The following PNKD variants were observed in gnomAD, a reference collection of about 807,000 sequenced individuals.
PNKD encodes PNKD metallo-beta-lactamase domain containing.
PNKD carries 36 observed loss-of-function variants against 45.3 expected under a neutral mutation model. The ratio of observed to expected loss-of-function variants is 0.80; its 90% CI spans 0.61 to 1.05. The LOEUF (loss-of-function observed/expected upper bound fraction) is 1.05. PNKD is among the 50% of genes least tolerant of loss of function. The pLI, the probability that PNKD is intolerant of heterozygous loss-of-function variation, is 0.00. For missense variants in PNKD, 511 were observed against 506.6 expected (o/e 1.01, Z -0.08); for synonymous variants, 197 against 210.1 (o/e 0.94, Z 0.54).
At chr2:218,272,954 C>A in intron 2 of PNKD, 2 of 1,447,638 alleles carry the variant, frequency 1.4e-6, no homozygotes, top group Non-Finnish European at 1.8e-6. Context: ...GGAACCAGGT[C>A]TGGGTTTGTG....
intron 2 of PNKD, among the ~76,000 whole-genome samples, chr2:218,320,059 GAGGTTGAAGAGAC>G (rs1177821428): frequency 2.6e-5 from 4 of 152,242 alleles, no homozygotes; most frequent in African/African-American, 9.6e-5. Context: ...GGCATCTGAG[GAGGTTGAAGAGAC>G]AGGCTGGGCC....
At chr2:218,312,731 G>C (rs1425136199) in intron 2 of PNKD, among the ~76,000 whole-genome samples, 1 of 151,904 alleles carries the variant, frequency 6.6e-6, no homozygotes, top group Non-Finnish European at 1.5e-5. Context: ...AAATTAGTTG[G>C]GTGTGGGGGT....
intron 2 of PNKD, among the ~76,000 whole-genome samples, chr2:218,329,735 G>A (rs911040576): frequency 3.3e-5 from 5 of 152,234 alleles, no homozygotes; most frequent in Admixed American, 6.5e-5. Context: ...TGGCAACTTC[G>A]GGGAAACCCT....
chr2:218,279,192 T>C (rs1159074763), intron 2 of PNKD: 3 of 1,577,192 alleles, frequency 1.9e-6, no homozygotes, highest in Admixed American at 3.4e-5. Context: ...TTGCCCATGG[T>C]CACCCTGAGA....
At chr2:218,321,985 C>T (rs1365806518) in intron 2 of PNKD, among the ~76,000 whole-genome samples, 1 of 144,872 alleles carries the variant, frequency 6.9e-6, no homozygotes, top group Non-Finnish European at 1.5e-5. Flanking sequence ...TGCAATGGCA[C>T]GATCTCGACT....
chr2:218,316,514 G>A (rs959456762), intron 2 of PNKD, among the ~76,000 whole-genome samples: 46 of 152,044 alleles, frequency 3.0e-4, no homozygotes, highest in Admixed American at 1.8e-3. Flanking sequence ...CAGGCAATCC[G>A]CCTGCCTTGG....
chr2:218,280,805 C>CTTT lies in PNKD; in HGVS notation c.236+9277_236+9279dup, dbSNP rs950294415. On this transcript the variant is annotated intron_variant, in intron 2 of 9. Transcript: ENST00000273077. ...CTGCACTCTAACTTCACCTCATTTCCTTTTTTTTTTTTTTTTTTTTTTTGA... is the reference window on the plus strand; with the variant it reads ...CTGCACTCTAACTTCACCTCATTTCCTTTTTTTTTTTTTTTTTTTTTTTTTTGA... 3.7e-3 allele frequency: 388 copies of CTTT among 104,044 alleles called. 4 individuals carry two copies. The highest frequency in any genetic ancestry group is 0.011 in the African/African-American group (241 of 22,268). 6.4% of individuals were successfully genotyped at this position (104,044 alleles called of 1,614,324 possible). A position where few individuals can be genotyped will look rare whatever the true frequency, so the allele number is the denominator to read the frequency against.
chr2:218,322,314 T>C (rs1694009272), intron 2 of PNKD, among the ~76,000 whole-genome samples: 1 of 152,170 alleles, frequency 6.6e-6, no homozygotes, highest in African/African-American at 2.4e-5. Context: ...CTCCTGTGCC[T>C]AAATTTGTAG....
At chr2:218,304,561 A>G (rs1574678804) in intron 2 of PNKD, among the ~76,000 whole-genome samples, 1 of 152,138 alleles carries the variant, frequency 6.6e-6, no homozygotes, top group Admixed American at 6.5e-5. Context: ...GAGCACTAAA[A>G]CTTAACTTCT....
intron 2 of PNKD, chr2:218,282,227 C>A: frequency 8.8e-7 from 1 of 1,133,118 alleles, no homozygotes; most frequent in Non-Finnish European, 1.2e-6. Flanking sequence ...CCAGGCCCAG[C>A]TCACTCAGCC....
chr2:218,275,159 CT>C (rs1452910873), intron 2 of PNKD: 2 of 232,636 alleles, frequency 8.6e-6, no homozygotes, highest in African/African-American at 2.3e-5. Context: ...CGAATAGGCT[CT>C]TTTCATATTC....
intron 2 of PNKD, among the ~76,000 whole-genome samples, chr2:218,322,997 C>G (rs762656097): frequency 4.6e-5 from 7 of 151,884 alleles, no homozygotes; most frequent in Non-Finnish European, 8.8e-5. Context: ...CTGTGGACCC[C>G]GATCAGCGCA....
At chr2:218,273,283 TTTTTTGA>T (rs1448525716) in intron 2 of PNKD, among the ~76,000 whole-genome samples, 1 of 142,464 alleles carries the variant, frequency 7.0e-6, no homozygotes, top group Non-Finnish European at 1.5e-5. Context: ...TTGTTTTTTG[TTTTTTGA>T]GACGGAGTCT....
intron 2 of PNKD, chr2:218,280,074 C>G: frequency 6.2e-7 from 1 of 1,614,170 alleles, no homozygotes; most frequent in Non-Finnish European, 8.5e-7. Flanking sequence ...ACTCTCCAGG[C>G]CCGAAGCTAT....
intron 2 of PNKD, chr2:218,279,021 G>A (rs777805791): frequency 1.9e-6 from 3 of 1,613,944 alleles, no homozygotes; most frequent in South Asian, 1.1e-5. Context: ...CCCAACCACA[G>A]AGGAGCACAC....
At chr2:218,304,692 T>G (rs1290214813) in intron 2 of PNKD, among the ~76,000 whole-genome samples, 1 of 152,120 alleles carries the variant, frequency 6.6e-6, no homozygotes, top group Non-Finnish European at 1.5e-5. Context: ...GAATTGGGGG[T>G]CAAATAAAAC....
intron 2 of PNKD, among the ~76,000 whole-genome samples, chr2:218,317,530 C>G (rs1347534962): frequency 6.6e-6 from 1 of 152,186 alleles, no homozygotes; most frequent in Non-Finnish European, 1.5e-5. Flanking sequence ...AGAGCAATGG[C>G]CTTGGCCTGG....
intron 2 of PNKD, among the ~76,000 whole-genome samples, chr2:218,322,988 T>C (rs542025997): frequency 3.4e-4 from 51 of 152,170 alleles, no homozygotes; most frequent in Non-Finnish European, 4.3e-4. Context: ...CTCAGGCGAC[T>C]GTGGACCCCG....
chr2:218,273,022 TCA>T (rs1415971209), intron 2 of PNKD: 3 of 1,043,586 alleles, frequency 2.9e-6, no homozygotes, highest in Non-Finnish European at 3.9e-6. Context: ...GTGCTCCCTC[TCA>T]CAGAGCTCAG....
Sources: allele counts gnomAD v4.1 joint callset (sites outside exome capture counted in the v4.1 genomes callset), GRCh38; gene constraint gnomAD v4.1.1; transcripts MANE v1.5; gene names NCBI Gene and HGNC (gene_info 2026-07-23, HGNC 2026-07-21).